The following SHROOM3 variants were observed in gnomAD, a reference collection of about 807,000 sequenced individuals.
SHROOM3 encodes the protein shroom family member 3, also known as protein Shroom3.
SHROOM3 carries 47 observed loss-of-function variants against 138.6 expected under a neutral mutation model. The ratio of observed to expected loss-of-function variants is 0.34; its 90% CI spans 0.27 to 0.43. The LOEUF (loss-of-function observed/expected upper bound fraction) is 0.43. Among genes scored for constraint, SHROOM3 ranks in the 20% least tolerant of loss-of-function variants. SHROOM3 has a pLI of 1.00. For missense variants in SHROOM3, 2,491 were observed against 2,596.5 expected (o/e 0.96, Z 0.88); for synonymous variants, 1,062 against 1,063.3 (o/e 1.00, Z 0.02).
At chr4:76,598,350 A>G (rs1277145337) in intron 2 of SHROOM3, among the ~76,000 whole-genome samples, 1 of 152,198 alleles carries the variant, frequency 6.6e-6, no homozygotes, top group Non-Finnish European at 1.5e-5. Context: ...TATAACAGTC[A>G]TGCTATGATG....
At chr4:76,757,199 AATTT>A (rs746846845) in intron 8 of SHROOM3, 3 of 451,940 alleles carry the variant, frequency 6.6e-6, no homozygotes, top group African/African-American at 2.0e-5. Flanking sequence ...ACATTGTATT[AATTT>A]ATTTATATCA....
At chr4:76,620,573 A>G (rs1271329312) in intron 2 of SHROOM3, among the ~76,000 whole-genome samples, 3 of 152,230 alleles carry the variant, frequency 2.0e-5, no homozygotes, top group South Asian at 2.1e-4. Flanking sequence ...GGCAATGCCA[A>G]CAGCAAGGGA....
chr4:76,637,534 T>G (rs572412257), intron 2 of SHROOM3: 2 of 152,276 alleles, frequency 1.3e-5, no homozygotes, highest in South Asian at 4.1e-4. Context: ...TGAAATTCAG[T>G]GTTTCCTTTA....
chr4:76,722,435 A>G (rs1272150970), intron 3 of SHROOM3, among the ~76,000 whole-genome samples: 3 of 152,218 alleles, frequency 2.0e-5, no homozygotes, highest in South Asian at 2.1e-4. Flanking sequence ...GCATGTTCTC[A>G]TAAGTGGGAG....
intron 2 of SHROOM3, among the ~76,000 whole-genome samples, chr4:76,707,215 C>A (rs981763578): frequency 6.6e-6 from 1 of 152,126 alleles, no homozygotes; most frequent in Non-Finnish European, 1.5e-5. Context: ...GTAATTGTAA[C>A]GCCTACAAAA....
chr4:76,625,702 C>T (rs2110068974), intron 2 of SHROOM3, among the ~76,000 whole-genome samples: 1 of 152,344 alleles, frequency 6.6e-6, no homozygotes, highest in East Asian at 1.9e-4. Context: ...CTTTCTGCCT[C>T]TTCCTATGTG....
At chr4:76,688,361 G>C (rs1330803858) in intron 2 of SHROOM3, 1 of 984,948 alleles carries the variant, frequency 1.0e-6, no homozygotes, top group Non-Finnish European at 1.2e-6. Flanking sequence ...TAAGAGCACA[G>C]ACAAGTAAAG....
At chr4:76,495,567 T>C (rs776741781) in intron 1 of SHROOM3, among the ~76,000 whole-genome samples, 52 of 152,340 alleles carry the variant, frequency 3.4e-4, no homozygotes, top group Non-Finnish European at 6.2e-4. Context: ...CCCAAGAACA[T>C]CCCTCAGTAC....
chr4:76,707,234 A>G (rs1720082276), intron 2 of SHROOM3, among the ~76,000 whole-genome samples: 1 of 152,220 alleles, frequency 6.6e-6, no homozygotes, highest in South Asian at 2.1e-4. Flanking sequence ...AATCTGTGGC[A>G]TAAATTGAAC....
At chr4:76,499,951 C>T (rs1732055564) in intron 1 of SHROOM3, among the ~76,000 whole-genome samples, 1 of 152,206 alleles carries the variant, frequency 6.6e-6, no homozygotes, top group Non-Finnish European at 1.5e-5. Context: ...CTCATGTATT[C>T]ACTCTTTTGC....
rs184839714 is a variant in SHROOM3, at chr4:76,493,396, T to C, written c.168+57176T>C. Among the ~76,000 whole-genome samples the C allele has an allele frequency of 3.3e-5, 5 of 152,320 alleles. No homozygotes were observed. The East Asian group carries it at 9.7e-4, about 29-fold the overall frequency. On this transcript the variant is annotated intron_variant, in intron 1 of 10. Transcript: ENST00000296043. ...TTAGCTGGGAGTCCTGTATTTGTAT[T>C]GGCTAACTCTGGCAACCCTGATTCT... is the stretch of plus-strand genomic sequence containing the variant.
At chr4:76,529,447 G>A (rs1732784051) in intron 1 of SHROOM3, among the ~76,000 whole-genome samples, 1 of 151,946 alleles carries the variant, frequency 6.6e-6, no homozygotes, top group South Asian at 2.1e-4. Context: ...CTCCCGAATA[G>A]CTGGGACTAC....
intron 1 of SHROOM3, among the ~76,000 whole-genome samples, chr4:76,461,200 T>C (rs939569685): frequency 2.6e-5 from 4 of 152,140 alleles, no homozygotes; most frequent in Non-Finnish European, 4.4e-5. Flanking sequence ...CATAATGCTC[T>C]CTACTCCACA....
At chr4:76,609,896 C>T (rs144350877) in intron 2 of SHROOM3, among the ~76,000 whole-genome samples, 1 of 152,194 alleles carries the variant, frequency 6.6e-6, no homozygotes, top group African/African-American at 2.4e-5. Flanking sequence ...TTATTAGGCT[C>T]GAGTTTAGAT....
chr4:76,489,771 G>A (rs1004014543), intron 1 of SHROOM3, among the ~76,000 whole-genome samples: 3 of 152,162 alleles, frequency 2.0e-5, no homozygotes, highest in Admixed American at 6.5e-5. Context: ...TTTATAAAAT[G>A]GATATCAAGT....
At chr4:76,508,126 C>T (rs1156901729) in intron 1 of SHROOM3, among the ~76,000 whole-genome samples, 3 of 152,052 alleles carry the variant, frequency 2.0e-5, no homozygotes. Context: ...TTCGAGAAAC[C>T]ATTGTCTGAT....
chr4:76,631,947 G>A (rs949922412), intron 2 of SHROOM3, among the ~76,000 whole-genome samples: 4 of 152,204 alleles, frequency 2.6e-5, no homozygotes, highest in East Asian at 1.9e-4. Context: ...GGGACTGATC[G>A]GATCAACTGA....
At chr4:76,680,142 CTTTT>C (rs11368349) in intron 2 of SHROOM3, among the ~76,000 whole-genome samples, 3 of 138,686 alleles carry the variant, frequency 2.2e-5, no homozygotes, top group African/African-American at 2.7e-5. Context: ...TGACCTATAC[CTTTT>C]TTTTTTTTTT....
At chr4:76,633,614 G>A (rs1447286168) in intron 2 of SHROOM3, among the ~76,000 whole-genome samples, 2 of 139,074 alleles carry the variant, frequency 1.4e-5, no homozygotes, top group East Asian at 2.1e-4. Flanking sequence ...CCGAGATTGC[G>A]CCACCGCACT....
Sources: allele counts gnomAD v4.1 joint callset (sites outside exome capture counted in the v4.1 genomes callset), GRCh38; gene constraint gnomAD v4.1.1; transcripts MANE v1.5; gene names NCBI Gene and HGNC (gene_info 2026-07-23, HGNC 2026-07-21).